The following SLAIN2 variants were observed in gnomAD, a reference collection of about 807,000 sequenced individuals.
SLAIN2 encodes SLAIN family member 2.
A neutral mutation model predicts 56.6 loss-of-function variants in SLAIN2; 31 were observed. The ratio of observed to expected loss-of-function variants is 0.55; its 90% CI spans 0.41 to 0.74. SLAIN2 has a LOEUF of 0.74. Ranked by LOEUF, SLAIN2 falls within the 30% of genes least tolerant of loss-of-function variation. The pLI is 0.00. For missense variants in SLAIN2, 777 were observed against 754.2 expected (o/e 1.03, Z -0.35); for synonymous variants, 317 against 284.9 (o/e 1.11, Z -1.13).
At position 48,422,117 on chromosome 4, in the gene SLAIN2, A is replaced by T; in HGVS notation, c.*40A>T. ...AATGCAGAAGTCCACGGCTTCATGG[A>T]TACCCTTCACCAGGCTAAAAAACAA... is the stretch of plus-strand genomic sequence containing the variant. On this transcript the variant is annotated 3_prime_UTR_variant, in exon 8 of 8. Coordinates refer to ENST00000264313, the MANE Select transcript of SLAIN2 (RefSeq NM_020846.2). 6.4e-7 allele frequency: 1 copy of T among 1,553,946 alleles called. No homozygotes were observed. The highest frequency in any genetic ancestry group is 8.8e-7 in the Non-Finnish European group (1 of 1,133,442).
At chr4:48,352,334 A>G (rs1715035504) in intron 1 of SLAIN2, among the ~76,000 whole-genome samples, 1 of 152,244 alleles carries the variant, frequency 6.6e-6, no homozygotes, top group African/African-American at 2.4e-5. Flanking sequence ...AATATGTTGC[A>G]TGAAAACCAT....
At position 48,341,581 on chromosome 4, in the gene SLAIN2, G is replaced by C; in HGVS notation, c.-159G>C. 2 of 1,180,818 alleles carry C rather than the reference G, an allele frequency of 1.7e-6. No homozygotes were observed. Among genetic ancestry groups the C allele is most frequent in the Non-Finnish European group, 2.2e-6 (2 of 896,818 alleles). The allele number at this position is 1,180,818 out of a possible 1,614,324, so 73.1% of individuals were successfully genotyped here. A position where few individuals can be genotyped will look rare whatever the true frequency, so the allele number is the denominator to read the frequency against. ...GTTCGGCTGGGGCCAGCGGCGCTTT[G>C]GAACCCGAGGTGGGGGGACCCTGGC... On this transcript the variant is annotated 5_prime_UTR_variant, in exon 1 of 8. Transcript: ENST00000264313.
rs1714726612 is a variant in SLAIN2, at chr4:48,342,100, T to A, written c.361T>A (p.Ser121Thr). 7.3e-7 allele frequency: 1 copy of A among 1,364,966 alleles called. No homozygotes were observed. The allele number at this position is 1,364,966 out of a possible 1,614,324, so 84.6% of individuals were successfully genotyped here. ...PLRPDELERL[S>T]GWEEEEESWL... is the part of the protein sequence containing the mutation. ...GCGGCCCGACGAGCTGGAGCGCCTGTCAGGCTGGGAGGAGGAGGAGGAGAG... is the reference window on the plus strand; with the variant it reads ...GCGGCCCGACGAGCTGGAGCGCCTGACAGGCTGGGAGGAGGAGGAGGAGAG... Residue 121 changes from serine (S) to threonine (T), a missense_variant, in exon 1 of 8, where the codon TCA (serine) becomes ACA (threonine). Physicochemically the swap from Ser to Thr is moderately conservative, Grantham distance 58. Coordinates refer to ENST00000264313, the MANE Select transcript of SLAIN2 (RefSeq NM_020846.2).
chr4:48,354,243 T>G (rs1715092190), intron 1 of SLAIN2, among the ~76,000 whole-genome samples: 1 of 152,070 alleles, frequency 6.6e-6, no homozygotes, highest in African/African-American at 2.4e-5. Context: ...CTATATAAAG[T>G]GAAGGAATAG....
At chr4:48,390,326 G>A (rs372032951) in intron 6 of SLAIN2, among the ~76,000 whole-genome samples, 62 of 151,918 alleles carry the variant, frequency 4.1e-4, no homozygotes, top group African/African-American at 1.3e-3. Context: ...TGATCCTCCC[G>A]CCTCGGCCTC....
At chr4:48,360,923 G>A (rs2109744047) in intron 1 of SLAIN2, among the ~76,000 whole-genome samples, 1 of 152,242 alleles carries the variant, frequency 6.6e-6, no homozygotes, top group South Asian at 2.1e-4. Context: ...TTCATGTGTA[G>A]CATTTTTATT....
In SLAIN2 at chr4:48,421,348, A is replaced by G. The variant is rs1174461146; in HGVS notation, c.1680-663A>G. Among the ~76,000 whole-genome samples, 5 of 152,166 alleles carry G rather than the reference A, an allele frequency of 3.3e-5. No homozygotes were observed. The East Asian group carries it at 7.7e-4, about 23-fold the overall frequency. On this transcript the variant is annotated intron_variant, in intron 7 of 7. Coordinates refer to ENST00000264313, the MANE Select transcript of SLAIN2 (RefSeq NM_020846.2). ...ATCTTCAGATGATTCTGAATCAGAC[A>G]GGTTGGGAATGATGCATCTGTAACC...
intron 6 of SLAIN2, among the ~76,000 whole-genome samples, chr4:48,414,083 C>A (rs1716934642): frequency 6.6e-6 from 1 of 152,102 alleles, no homozygotes; most frequent in Non-Finnish European, 1.5e-5. Context: ...AACTTAGACA[C>A]CAAGGTTAGG....
chr4:48,363,677 T>C (rs1434342062), intron 1 of SLAIN2, among the ~76,000 whole-genome samples: 1 of 92,924 alleles, frequency 1.1e-5, no homozygotes, highest in African/African-American at 4.0e-5. Flanking sequence ...GGCTCCTCAC[T>C]TCCCAGTAGG....
intron 6 of SLAIN2, among the ~76,000 whole-genome samples, chr4:48,402,142 G>A (rs1392009068): frequency 3.3e-5 from 5 of 151,432 alleles, no homozygotes; most frequent in African/African-American, 1.2e-4. Flanking sequence ...GAGGTCCTCT[G>A]TTAGTCTGAT....
chr4:48,374,428 C>T (rs1265194127), intron 2 of SLAIN2, among the ~76,000 whole-genome samples: 1 of 151,864 alleles, frequency 6.6e-6, no homozygotes, highest in African/African-American at 2.4e-5. Flanking sequence ...TTACTAGAGA[C>T]GAGGTTTCAC....
Position 48,425,071 on chromosome 4 carries a change from C to G in SLAIN2, c.*2994C>G, listed in dbSNP as rs1219886365. The G allele has an allele frequency of 1.3e-5, 2 of 151,718 alleles. No individual in the cohort carries two copies. Among genetic ancestry groups the G allele is most frequent in the Non-Finnish European group, 2.9e-5 (2 of 67,848 alleles). The allele number at this position is 151,718 out of a possible 1,614,324, so 9.4% of individuals were successfully genotyped here. A position where few individuals can be genotyped will look rare whatever the true frequency, so the allele number is the denominator to read the frequency against. ...TGGATATGGTAAGATTCCTTTTTTCCTCTCAGTTGCCTACACTTGGTTTTA... is the reference window on the plus strand; with the variant it reads ...TGGATATGGTAAGATTCCTTTTTTCGTCTCAGTTGCCTACACTTGGTTTTA... On this transcript the variant is annotated 3_prime_UTR_variant, in exon 8 of 8. Coordinates refer to ENST00000264313, the MANE Select transcript of SLAIN2 (RefSeq NM_020846.2).
At chr4:48,385,343 G>A (rs933988480) in intron 6 of SLAIN2, among the ~76,000 whole-genome samples, 1 of 152,122 alleles carries the variant, frequency 6.6e-6, no homozygotes, top group African/African-American at 2.4e-5. Flanking sequence ...CATCAGTCCC[G>A]TATATGAGCT....
intron 1 of SLAIN2, among the ~76,000 whole-genome samples, chr4:48,369,047 G>A (rs1715599705): frequency 1.3e-5 from 2 of 152,118 alleles, no homozygotes. Context: ...CAGTATCGAA[G>A]CCTAATTTTG....
Position 48,342,137 on chromosome 4 carries a change from G to C in SLAIN2, c.389+9G>C, listed in dbSNP as rs28464394. 7.5e-7 allele frequency: 1 copy of C among 1,340,876 alleles called. No individual in the cohort carries two copies. The highest frequency in any genetic ancestry group is 9.5e-7 in the Non-Finnish European group (1 of 1,051,608). The allele number at this position is 1,340,876 out of a possible 1,614,324, so 83.1% of individuals were successfully genotyped here. A position where few individuals can be genotyped will look rare whatever the true frequency, so the allele number is the denominator to read the frequency against. On this transcript the variant is annotated intron_variant, in intron 1 of 7. Coordinates refer to ENST00000264313, the MANE Select transcript of SLAIN2 (RefSeq NM_020846.2). The stretch of plus-strand genomic sequence containing the variant: ...GAGGAGGAGGAGAGCTGGTGAGCGC[G>C]AGGCGCCGGGCAGGAGCTGGGCGGG...
rs1353703972 is a variant in SLAIN2 at position 48,425,329 on chromosome 4, A to C, written c.*3252A>C. On this transcript the variant is annotated 3_prime_UTR_variant, in exon 8 of 8. Transcript: ENST00000264313. The stretch of plus-strand genomic sequence containing the variant: ...TTATAAAAAGCTAGCATTTGCCTAG[A>C]TCATAACTATGTATGGTATCTAGTT... The C allele has an allele frequency of 6.6e-6, 1 of 152,172 alleles. No homozygotes were observed. Among genetic ancestry groups the C allele is most frequent in the East Asian group, 1.9e-4 (1 of 5,198 alleles). The allele number at this position is 152,172 out of a possible 1,614,324, so 9.4% of individuals were successfully genotyped here.
At chr4:48,409,041 A>G (rs1353258326) in intron 6 of SLAIN2, among the ~76,000 whole-genome samples, 3 of 152,144 alleles carry the variant, frequency 2.0e-5, no homozygotes, top group Non-Finnish European at 4.4e-5. Flanking sequence ...GCCATAGACT[A>G]TTTTTAAAAA....
chr4:48,417,799 A>G (rs1208492697), intron 6 of SLAIN2, among the ~76,000 whole-genome samples: 1 of 151,256 alleles, frequency 6.6e-6, no homozygotes, highest in Non-Finnish European at 1.5e-5. Flanking sequence ...AAAATTCAAC[A>G]ACCCTTCATG....
intron 6 of SLAIN2, among the ~76,000 whole-genome samples, chr4:48,385,859 G>A (rs1716085317): frequency 6.6e-6 from 1 of 151,370 alleles, no homozygotes; most frequent in African/African-American, 2.4e-5. Flanking sequence ...TTAAGCTGTT[G>A]TTACTTAGTG....
Sources: allele counts gnomAD v4.1 joint callset (sites outside exome capture counted in the v4.1 genomes callset), GRCh38; gene constraint gnomAD v4.1.1; transcripts MANE v1.5; gene names NCBI Gene and HGNC (gene_info 2026-07-23, HGNC 2026-07-21).